Variants in SLCO5A1 observed in about 807,000 individuals in gnomAD.
SLCO5A1 encodes organic anion transporter polypeptide-related protein 4.
A neutral mutation model predicts 65.1 loss-of-function variants in SLCO5A1; 39 were observed. The ratio of observed to expected loss-of-function variants is 0.60; its 90% CI spans 0.46 to 0.78. The LOEUF is 0.78. SLCO5A1 is among the 30% of genes least tolerant of loss of function. The pLI is 0.00. For synonymous variants in SLCO5A1, 438 were observed against 415.7 expected (o/e 1.05, Z -0.65); for missense variants, 1,029 against 1,069.4 (o/e 0.96, Z 0.53).
chr8:69,796,477 G>A (rs28765504), intron 2 of SLCO5A1, among the ~76,000 whole-genome samples: 2,176 of 152,020 alleles, frequency 0.014, 39 homozygotes, highest in African/African-American at 0.049. Flanking sequence ...TTAGCCAGGC[G>A]TGGTGGCATA....
intron 2 of SLCO5A1, among the ~76,000 whole-genome samples, chr8:69,800,307 G>C (rs1338633711): frequency 7.8e-6 from 1 of 128,148 alleles, no homozygotes; most frequent in African/African-American, 3.1e-5. Flanking sequence ...AGCCTGGAAT[G>C]CAGTAGCACA....
At chr8:69,789,185 G>A (rs1203060048) in intron 2 of SLCO5A1, among the ~76,000 whole-genome samples, 1 of 152,160 alleles carries the variant, frequency 6.6e-6, no homozygotes, top group Non-Finnish European at 1.5e-5. Flanking sequence ...CTACTATAGA[G>A]CACCATCACC....
chr8:69,749,405 G>C (rs1247617943), intron 4 of SLCO5A1, among the ~76,000 whole-genome samples: 2 of 152,120 alleles, frequency 1.3e-5, no homozygotes, highest in African/African-American at 4.8e-5. Flanking sequence ...ATCATCTGAG[G>C]TCAGGAGTTC....
At chr8:69,691,912 T>C (rs1232262899) in intron 6 of SLCO5A1, among the ~76,000 whole-genome samples, 2 of 152,178 alleles carry the variant, frequency 1.3e-5, no homozygotes, top group Non-Finnish European at 2.9e-5. Flanking sequence ...TACAACACAA[T>C]GGCAAGGAGT....
rs967857784 is a variant in SLCO5A1 at position 69,670,065 on chromosome 8, T to G, written c.*2804A>C. ...AATGCTAATGAAAATAACCAAAGAA[T>G]GCGCTCCAACCACCCATCTTACCTC... On this transcript the variant is annotated 3_prime_UTR_variant, in exon 10 of 10. Coordinates refer to ENST00000260126, the MANE Select transcript of SLCO5A1 (RefSeq NM_030958.3). The G allele has an allele frequency of 6.6e-6, 1 of 152,190 alleles. No individual in the cohort carries two copies. Among genetic ancestry groups the G allele is most frequent in the Non-Finnish European group, 1.5e-5 (1 of 68,026 alleles). The allele number at this position is 152,190 out of a possible 1,614,324, so 9.4% of individuals were successfully genotyped here.
intron 8 of SLCO5A1, among the ~76,000 whole-genome samples, chr8:69,676,905 A>G (rs1309804184): frequency 6.6e-6 from 1 of 152,254 alleles, no homozygotes; most frequent in Admixed American, 6.5e-5. Context: ...AATTGTTTCT[A>G]CAAAAATACT....
intron 6 of SLCO5A1, among the ~76,000 whole-genome samples, chr8:69,704,703 G>C (rs1306614048): frequency 6.6e-6 from 1 of 152,138 alleles, no homozygotes; most frequent in East Asian, 1.9e-4. Context: ...TTATGTTTTT[G>C]AGCTACAGAA....
intron 2 of SLCO5A1, among the ~76,000 whole-genome samples, chr8:69,802,155 A>C (rs1819770153): frequency 1.3e-5 from 2 of 152,170 alleles, no homozygotes; most frequent in African/African-American, 4.8e-5. Context: ...CCTGGAGATT[A>C]ATAATGGGGA....
chr8:69,797,734 T>C (rs1011133381), intron 2 of SLCO5A1, among the ~76,000 whole-genome samples: 2 of 152,236 alleles, frequency 1.3e-5, no homozygotes, highest in African/African-American at 4.8e-5. Flanking sequence ...CTAATAAATT[T>C]TGGTCAGACT....
chr8:69,832,455 C>T lies in SLCO5A1; in HGVS notation c.219G>A (p.Lys73=). The part of the protein sequence containing the change: ...CVDSSGHQEL[K]QGPNPLAPSP... ...TGGGGGCCAACGGGTTCGGGCCTTG[C>T]TTCAACTCCTGGTGGCCCGAAGAAT... The change falls in exon 2 of 10, where the codon AAG becomes AAA. Residue 73 remains lysine, a synonymous_variant. Transcript: ENST00000260126. This position sits in a 1 kb window ranked among gnomAD's most constrained non-coding sequence, Gnocchi z 4.5. The T allele has an allele frequency of 6.2e-7, 1 of 1,613,008 alleles. No homozygotes were observed. Among genetic ancestry groups the T allele is most frequent in the Non-Finnish European group, 8.5e-7 (1 of 1,179,608 alleles).
intron 8 of SLCO5A1, 60 bp from the exon 9 acceptor site, chr8:69,676,733 C>G: frequency 6.7e-7 from 1 of 1,482,840 alleles, no homozygotes; most frequent in Non-Finnish European, 9.4e-7. Flanking sequence ...AAATGAATGT[C>G]AAATCAAGTC....
intron 4 of SLCO5A1, 69 bp from the exon 5 acceptor site, chr8:69,738,273 G>T: frequency 7.0e-7 from 1 of 1,420,972 alleles, no homozygotes; most frequent in Non-Finnish European, 9.4e-7. Context: ...AAACTGAATT[G>T]TTTTTGAAAT....
intron 2 of SLCO5A1, among the ~76,000 whole-genome samples, chr8:69,821,107 T>C (rs1391989477): frequency 6.6e-6 from 1 of 152,072 alleles, no homozygotes; most frequent in Non-Finnish European, 1.5e-5. Flanking sequence ...TATATACACA[T>C]ATATAATGTT....
intron 5 of SLCO5A1, among the ~76,000 whole-genome samples, chr8:69,719,925 T>A (rs1815740603): frequency 6.6e-6 from 1 of 152,216 alleles, no homozygotes; most frequent in South Asian, 2.1e-4. Context: ...GGTGTACACA[T>A]TAAATAAACA....
chr8:69,826,443 A>C (rs1470290557), intron 2 of SLCO5A1, among the ~76,000 whole-genome samples: 2 of 151,972 alleles, frequency 1.3e-5, no homozygotes, highest in African/African-American at 4.8e-5. Flanking sequence ...AGAAAAAAAC[A>C]AACAACCCCA....
chr8:69,687,963 A>C (rs1049432926), intron 6 of SLCO5A1, among the ~76,000 whole-genome samples: 1 of 152,032 alleles, frequency 6.6e-6, no homozygotes, highest in African/African-American at 2.4e-5. Context: ...TTTGAAATAA[A>C]AACTTATCAT....
At chr8:69,776,175 T>C (rs1818541011) in intron 2 of SLCO5A1, among the ~76,000 whole-genome samples, 1 of 152,212 alleles carries the variant, frequency 6.6e-6, no homozygotes, top group Non-Finnish European at 1.5e-5. Flanking sequence ...TTCTGGACAC[T>C]AATTCCCATA....
At chr8:69,674,412 A>T (rs1254256574) in intron 9 of SLCO5A1, among the ~76,000 whole-genome samples, 2 of 152,170 alleles carry the variant, frequency 1.3e-5, no homozygotes, top group African/African-American at 4.8e-5. Context: ...GCTGTGAGTG[A>T]TACGTTTTAA....
At chr8:69,724,344 C>T (rs1434685265) in intron 5 of SLCO5A1, among the ~76,000 whole-genome samples, 1 of 152,146 alleles carries the variant, frequency 6.6e-6, no homozygotes, top group African/African-American at 2.4e-5. Flanking sequence ...GTCCCTTGCA[C>T]AGGTAATAAG....
Sources: gnomAD v4.1 joint callset for allele counts (sites outside exome capture counted in the v4.1 genomes callset) on GRCh38, gnomAD v4.1.1 for gene constraint, Gnocchi (gnomAD v3.1) non-coding constraint, MANE v1.5 for transcripts, NCBI Gene and HGNC (gene_info 2026-07-23, HGNC 2026-07-21) for gene names.